Variants in LIAT1 observed in about 807,000 individuals in gnomAD.
LIAT1 encodes the protein ligand of ATE1, also known as protein LIAT1.
chr17:410,660 C>T, the LIAT1 span: 2 of 1,536,972 alleles, frequency 1.3e-6, no homozygotes, highest in Admixed American at 2.0e-5. Context: ...AGAGGAGCAG[C>T]TAGCCCGGCT....
At chr17:414,160 C>T in the LIAT1 span, 1 of 1,579,436 alleles carries the variant, frequency 6.3e-7, no homozygotes, top group Non-Finnish European at 8.6e-7. The surrounding 1 kb of genome is among the most constrained non-coding windows in gnomAD (Gnocchi z 4.1). Context: ...CTCCTCACCA[C>T]AAGTTTATGT....
At chr17:413,982 A>C in the LIAT1 span, 1 of 1,614,030 alleles carries the variant, frequency 6.2e-7, no homozygotes, top group African/African-American at 1.3e-5. Context: ...AACTTACCCT[A>C]CCTCTCGGAC....
At chr17:413,203 C>T in the LIAT1 span, 2 of 1,614,108 alleles carry the variant, frequency 1.2e-6, no homozygotes, top group South Asian at 2.2e-5. Context: ...CCTTTCATGA[C>T]ATCTTAAGTC....
At chr17:413,615 G>A in the LIAT1 span, 14 of 1,537,124 alleles carry the variant, frequency 9.1e-6, 1 homozygote, top group East Asian at 9.5e-5. Flanking sequence ...CTTCCACCCC[G>A]ACCCCGAGGC....
At chr17:414,105 T>C in the LIAT1 span, 1 of 1,611,558 alleles carries the variant, frequency 6.2e-7, no homozygotes, top group East Asian at 2.2e-5. This position sits in a 1 kb window ranked among gnomAD's most constrained non-coding sequence, Gnocchi z 4.1. Flanking sequence ...GCTCCTACTC[T>C]GCTGGAGTGA....
the LIAT1 span, chr17:413,550 ACCCCGACCCCGAGG>A: frequency 2.7e-6 from 4 of 1,457,018 alleles, no homozygotes; most frequent in African/African-American, 5.5e-5. Flanking sequence ...AAGGGCTTCC[ACCCCGACCCCGAGG>A]CCCTCAAGGG....
chr17:413,072 G>C, the LIAT1 span: 28 of 1,538,520 alleles, frequency 1.8e-5, no homozygotes, highest in Non-Finnish European at 2.3e-5. Context: ...TTCCATCTTG[G>C]GTGATTTTGG....
chr17:411,069 G>T, the LIAT1 span, among the ~76,000 whole-genome samples: 29 of 152,342 alleles, frequency 1.9e-4, no homozygotes, highest in Admixed American at 1.6e-3. Context: ...GAGAAGGGCA[G>T]ACTCCTGCCT....
At chr17:414,341 T>C in the LIAT1 span, 1 of 548,116 alleles carries the variant, frequency 1.8e-6, no homozygotes, top group Middle Eastern at 4.8e-4. This position sits in a 1 kb window ranked among gnomAD's most constrained non-coding sequence, Gnocchi z 4.1. Context: ...TTTCAGAATT[T>C]CCTTTTTCTT....
chr17:414,440 C>T, the LIAT1 span: 1 of 280,894 alleles, frequency 3.6e-6, no homozygotes, highest in East Asian at 8.6e-5. The surrounding 1 kb of genome is among the most constrained non-coding windows in gnomAD (Gnocchi z 4.1). Flanking sequence ...AGATGATTTA[C>T]CTCTTAAGTC....
the LIAT1 span, chr17:410,414 GC>G: frequency 5.2e-6 from 8 of 1,530,068 alleles, no homozygotes; most frequent in Admixed American, 2.0e-5. Flanking sequence ...GGCCTCGGGC[GC>G]CCCCGGGGCG....
chr17:411,383 A>G, the LIAT1 span, among the ~76,000 whole-genome samples: 1 of 152,214 alleles, frequency 6.6e-6, no homozygotes, highest in African/African-American at 2.4e-5. Flanking sequence ...CAGTGAAACT[A>G]AAGGGCGGGA....
chr17:413,364 G>C, the LIAT1 span: 1 of 1,614,130 alleles, frequency 6.2e-7, no homozygotes, highest in East Asian at 2.2e-5. Context: ...CGTTGGGATG[G>C]AATTCTTGCT....
At chr17:414,197 A>G in the LIAT1 span, 3 of 1,472,682 alleles carry the variant, frequency 2.0e-6, no homozygotes, top group South Asian at 2.7e-5. The surrounding 1 kb of genome is among the most constrained non-coding windows in gnomAD (Gnocchi z 4.1). Context: ...ATAAAAGGAA[A>G]TGAGACCCGT....
chr17:410,388 C>T, the LIAT1 span: 9 of 1,524,054 alleles, frequency 5.9e-6, no homozygotes, highest in African/African-American at 1.4e-5. Context: ...TGAGAGTCGC[C>T]GATTAGTCGG....
At chr17:410,554 C>G in the LIAT1 span, 1 of 1,546,830 alleles carries the variant, frequency 6.5e-7, no homozygotes, top group Non-Finnish European at 8.7e-7. Flanking sequence ...TCTAGACTGC[C>G]CCCCATCACA....
At chr17:414,407 C>T in the LIAT1 span, 3 of 366,194 alleles carry the variant, frequency 8.2e-6, no homozygotes, top group Non-Finnish European at 4.9e-6. This position sits in a 1 kb window ranked among gnomAD's most constrained non-coding sequence, Gnocchi z 4.1. Context: ...TATAATCTGC[C>T]CCAAAAAGAA....
chr17:410,413 C>T, the LIAT1 span: 1 of 1,531,562 alleles, frequency 6.5e-7, no homozygotes. Context: ...GGGCCTCGGG[C>T]GCCCCCGGGG....
At chr17:412,436 C>T in the LIAT1 span, among the ~76,000 whole-genome samples, 7 of 152,114 alleles carry the variant, frequency 4.6e-5, no homozygotes, top group African/African-American at 1.7e-4. Flanking sequence ...AGATAGTTTC[C>T]AGGGCGTAGC....
Sources: allele counts gnomAD v4.1 joint callset (sites outside exome capture counted in the v4.1 genomes callset), GRCh38; gene constraint gnomAD v4.1.1; non-coding constraint Gnocchi (gnomAD v3.1); transcripts MANE v1.5; gene names NCBI Gene and HGNC (gene_info 2026-07-23, HGNC 2026-07-21).